Variants in EDA observed in about 807,000 individuals in gnomAD.
EDA encodes the protein ectodysplasin A.
A neutral mutation model predicts 23.6 loss-of-function variants in EDA; 2 were observed. The observed-to-expected ratio is 0.08, with a 90% CI of 0.03 to 0.27. EDA has a LOEUF of 0.27. Among genes scored for constraint, EDA ranks in the 10% least tolerant of loss-of-function variants. The pLI is 1.00. For missense variants in EDA, 229 were observed against 324.2 expected (o/e 0.71, Z 2.26); for synonymous variants, 131 against 132.0 (o/e 0.99, Z 0.05).
At chrX:69,829,621 A>G (rs2016557261) in intron 1 of EDA, among the ~76,000 whole-genome samples, 1 of 112,075 alleles carries the variant, frequency 8.9e-6, no homozygotes, top group Non-Finnish European at 1.9e-5. Flanking sequence ...CTGTAACTTA[A>G]TTATTTAACT....
chrX:69,860,975 C>G, intron 1 of EDA: 1 of 514,652 alleles, frequency 1.9e-6, no homozygotes, highest in South Asian at 2.5e-5. Context: ...CTGGCGTCAT[C>G]TAGTCAGCCA....
chrX:69,727,010 C>A (rs1160515378), intron 1 of EDA, among the ~76,000 whole-genome samples: 1 of 111,658 alleles, frequency 9.0e-6, no homozygotes, highest in African/African-American at 3.3e-5. Flanking sequence ...TCTTTTCTGG[C>A]GTTCAAGAAG....
chrX:69,823,777 C>G (rs1456943437), intron 1 of EDA, among the ~76,000 whole-genome samples: 1 of 78,082 alleles, frequency 1.3e-5, no homozygotes, highest in African/African-American at 5.2e-5. Context: ...TTGCCCATGC[C>G]TGTGTCCTGA....
intron 1 of EDA, among the ~76,000 whole-genome samples, chrX:69,936,713 C>A (rs765017750): frequency 4.5e-5 from 5 of 111,453 alleles, no homozygotes; most frequent in Non-Finnish European, 9.4e-5. Flanking sequence ...GGTCCACAAT[C>A]TCAAATAGCT....
chrX:69,998,213 T>C (rs1340896532), intron 2 of EDA, among the ~76,000 whole-genome samples: 1 of 112,043 alleles, frequency 8.9e-6, no homozygotes, highest in Non-Finnish European at 1.9e-5. Context: ...GCCACAGGGG[T>C]GGAGCTGCCC....
At chrX:69,811,805 G>A in intron 1 of EDA, among the ~76,000 whole-genome samples, 1 of 112,147 alleles carries the variant, frequency 8.9e-6, no homozygotes, top group Non-Finnish European at 1.9e-5. Context: ...AGAATGGCAA[G>A]TATCTTTGGT....
chrX:69,637,339 A>G (rs1425279285), intron 1 of EDA, among the ~76,000 whole-genome samples: 1 of 111,430 alleles, frequency 9.0e-6, no homozygotes, highest in Non-Finnish European at 1.9e-5. Context: ...GTCAAAAAAA[A>G]GAAGGAATTA....
At chrX:69,866,971 G>A (rs929823526) in intron 1 of EDA, among the ~76,000 whole-genome samples, 1 of 112,268 alleles carries the variant, frequency 8.9e-6, no homozygotes, top group African/African-American at 3.2e-5. Context: ...CCCATATCTG[G>A]AGTAAGTGCC....
At position 69,962,199 on chromosome X, in the gene EDA, G is replaced by C. The variant is rs750227838; in HGVS notation, c.502+5067G>C. On this transcript the variant is annotated intron_variant, in intron 2 of 7. Transcript: ENST00000374552. ...TGCCTGCCTTCCATGTTTCCGTCCT[G>C]GTAAGAGAATAAAATTGCAGCATGG... 2.0e-4 allele frequency among the ~76,000 whole-genome samples: 22 copies of C among 111,574 alleles called. No homozygotes were observed. The South Asian group carries it at 8.0e-3, about 40-fold the overall frequency.
intron 1 of EDA, among the ~76,000 whole-genome samples, chrX:69,789,133 G>T (rs1345570271): frequency 8.9e-6 from 1 of 112,285 alleles, no homozygotes; most frequent in Non-Finnish European, 1.9e-5. Context: ...GTGAGGCAAT[G>T]CCTCGCCCTG....
intron 1 of EDA, among the ~76,000 whole-genome samples, chrX:69,802,263 T>C (rs2015709115): frequency 9.1e-5 from 10 of 109,860 alleles, no homozygotes; most frequent in Admixed American, 6.9e-4. Context: ...TGTAGAAGAA[T>C]ATGTATATAA....
chrX:69,645,032 TTC>T (rs1336397839), intron 1 of EDA, among the ~76,000 whole-genome samples: 1 of 111,707 alleles, frequency 9.0e-6, no homozygotes. Context: ...TGCATTGATG[TTC>T]ACCAAGGATA....
At chrX:70,002,226 G>C (rs776666873) in intron 2 of EDA, among the ~76,000 whole-genome samples, 1 of 110,202 alleles carries the variant, frequency 9.1e-6, no homozygotes, top group African/African-American at 3.3e-5. Flanking sequence ...TGTAGATAAA[G>C]AAAAGCAGGG....
intron 1 of EDA, among the ~76,000 whole-genome samples, chrX:69,907,538 C>G (rs939569317): frequency 2.7e-5 from 3 of 111,410 alleles, no homozygotes; most frequent in African/African-American, 9.8e-5. Flanking sequence ...GAACCTAGAA[C>G]CAAGTACACA....
At chrX:69,742,554 C>G (rs185191263) in intron 1 of EDA, among the ~76,000 whole-genome samples, 1 of 112,023 alleles carries the variant, frequency 8.9e-6, no homozygotes, top group African/African-American at 3.2e-5. Context: ...GCAGTTGTTG[C>G]TTTTTTATAA....
chrX:70,014,572 C>G lies in EDA; in HGVS notation c.503-8646C>G, dbSNP rs768619729. On this transcript the variant is annotated intron_variant, in intron 2 of 7. Coordinates refer to ENST00000374552, the MANE Select transcript of EDA (RefSeq NM_001399.5). ...AATGTACCGGTATCCAGCAAGAGTT[C>G]TTAGCCAGGCTGAAATGGCTGGAAT... 1.7e-4 allele frequency among the ~76,000 whole-genome samples: 19 copies of G among 112,156 alleles called. No homozygotes were observed. In the East Asian group the frequency reaches 5.3e-3, roughly 32 times the overall value.
chrX:69,875,667 G>A (rs928316678), intron 1 of EDA, among the ~76,000 whole-genome samples: 1 of 111,348 alleles, frequency 9.0e-6, no homozygotes, highest in Non-Finnish European at 1.9e-5. Context: ...CTTTTGCATG[G>A]CAAAAAGAAC....
intron 1 of EDA, among the ~76,000 whole-genome samples, chrX:69,951,304 A>G (rs1042455766): frequency 2.7e-5 from 3 of 111,508 alleles, no homozygotes; most frequent in African/African-American, 9.8e-5. Context: ...CCATCTTGGA[A>G]GCAGAGAGTA....
rs763089691 is a variant in EDA at position 69,705,058 on chromosome X, T to TA, written c.396+88362dup. On this transcript the variant is annotated intron_variant, in intron 1 of 7. Transcript: ENST00000374552. Reference sequence around the variant, plus strand: ...CAACATGGTGAAACCCTGTCTCTACTAAAAAAAATACAAAATTAGCTGGAT... The same window carrying TA: ...CAACATGGTGAAACCCTGTCTCTACTAAAAAAAAATACAAAATTAGCTGGAT... 9.3e-5 allele frequency among the ~76,000 whole-genome samples: 10 copies of TA among 107,376 alleles called. No homozygotes were observed. In the East Asian group the frequency reaches 1.8e-3, roughly 19 times the overall value. 93.2% of individuals were successfully genotyped at this position (107,376 alleles called of 115,157 possible). A position where few individuals can be genotyped will look rare whatever the true frequency, so the allele number is the denominator to read the frequency against.
Sources: allele counts gnomAD v4.1 joint callset (sites outside exome capture counted in the v4.1 genomes callset), GRCh38; gene constraint gnomAD v4.1.1; transcripts MANE v1.5; gene names NCBI Gene and HGNC (gene_info 2026-07-23, HGNC 2026-07-21).